The following PCDHGB2 variants were observed in gnomAD, a reference collection of about 807,000 sequenced individuals.
The protein encoded by PCDHGB2 is protocadherin gamma subfamily B, 2.
PCDHGB2 carries 55 observed loss-of-function variants against 59.3 expected under a neutral mutation model. The observed-to-expected ratio is 0.93, with a 90% CI of 0.75 to 1.16. The LOEUF (loss-of-function observed/expected upper bound fraction) is 1.16. Ranked by LOEUF, PCDHGB2 falls within the 50% of genes most tolerant of loss-of-function variation. The probability of loss-of-function intolerance (pLI) is 0.00; values close to 1 mark genes in which losing one functional copy is unlikely to be tolerated. For synonymous variants in PCDHGB2, 516 were observed against 512.0 expected (o/e 1.01, Z -0.11); for missense variants, 1,228 against 1,198.5 (o/e 1.02, Z -0.36).
At chr5:141,500,840 C>T (rs1394248251) in intron 2 of PCDHGB2, among the ~76,000 whole-genome samples, 1 of 151,966 alleles carries the variant, frequency 6.6e-6, no homozygotes, top group Non-Finnish European at 1.5e-5. Flanking sequence ...TGCTAATGGG[C>T]TTTTGCTACA....
At position 141,419,598 on chromosome 5, in the gene PCDHGB2, G is replaced by A. The variant is rs1466867194; in HGVS notation, c.2421+57042G>A. On this transcript the variant is annotated intron_variant, in intron 1 of 3. Transcript: ENST00000522605. ...TCCGCGCTCTTCGACACAGTGCCGC[G>A]GGCCGCGCAGCCAGGCTACCTGGTG... 21 of 1,611,674 alleles carry A rather than the reference G, an allele frequency of 1.3e-5. No individual in the cohort carries two copies. In the South Asian group the frequency reaches 1.3e-4, roughly 10 times the overall value.
chr5:141,374,282 G>C, intron 1 of PCDHGB2: 1 of 1,613,972 alleles, frequency 6.2e-7, no homozygotes, highest in Non-Finnish European at 8.5e-7. Context: ...AGTCCGCATC[G>C]TCTCCAGAGG....
At chr5:141,389,513 C>T (rs749432491) in intron 1 of PCDHGB2, 3 of 1,613,156 alleles carry the variant, frequency 1.9e-6, no homozygotes, top group South Asian at 1.1e-5. Context: ...TCAGCGCGAA[C>T]GTGAGCCTGC....
intron 1 of PCDHGB2, chr5:141,422,819 TGAGA>T (rs766395950): frequency 6.2e-7 from 1 of 1,614,188 alleles, no homozygotes; most frequent in African/African-American, 1.3e-5. Flanking sequence ...GACTTAGAAC[TGAGA>T]GTGATAGCAC....
rs766885846 is a variant in PCDHGB2 at position 141,393,434 on chromosome 5, TCAC to T, written c.2421+30883_2421+30885del. The stretch of plus-strand genomic sequence containing the variant: ...CCCTGGACAGGGAGGAAGAGGCTGC[TCAC>T]CACCTGGTCCTCACGGCCTCGGATG... On this transcript the variant is annotated intron_variant, in intron 1 of 3. Coordinates refer to ENST00000522605, the MANE Select transcript of PCDHGB2 (RefSeq NM_018923.3). 11 of 1,613,902 alleles carry T rather than the reference TCAC, an allele frequency of 6.8e-6. No individual in the cohort carries two copies. The African/African-American group carries it at 1.2e-4, about 18-fold the overall frequency.
At chr5:141,421,044 C>T (rs556562994) in intron 1 of PCDHGB2, 3 of 548,494 alleles carry the variant, frequency 5.5e-6, no homozygotes, top group African/African-American at 1.9e-5. Context: ...CTCCCTCCCC[C>T]GCCTCTACCA....
chr5:141,381,826 C>CTTTTTTTTTTTTTTTTTTTTTTTTT (rs770630741), intron 1 of PCDHGB2, among the ~76,000 whole-genome samples: 4 of 74,290 alleles, frequency 5.4e-5, no homozygotes, highest in African/African-American at 1.2e-4. Context: ...CTTTCTTCTT[C>CTTTTTTTTTTTTTTTTTTTTTTTTT]TTTTTTTTTT....
rs777168071 is a variant in PCDHGB2 at position 141,477,745 on chromosome 5, C to A, written c.2422-17062C>A. The A allele has an allele frequency of 5.0e-6, 8 of 1,613,682 alleles. No homozygotes were observed. The highest frequency in any genetic ancestry group is 6.8e-6 in the Non-Finnish European group (8 of 1,180,042). On this transcript the variant is annotated intron_variant, in intron 1 of 3. Transcript: ENST00000522605. The surrounding 1 kb of genome is among the most constrained non-coding windows in gnomAD (Gnocchi z 4.9). ...TAACAGCTCATATCAGCGATGGGGG[C>A]ACCCCGGTCCTAGCCACCAACATCA...
In PCDHGB2 at chr5:141,487,120, T is replaced by C. The variant is rs1342042604; in HGVS notation, c.2422-7687T>C. 1.9e-6 allele frequency: 3 copies of C among 1,613,948 alleles called. No homozygotes were observed. Among genetic ancestry groups the C allele is most frequent in the Admixed American group, 1.7e-5 (1 of 60,028 alleles). ...AGAAGCTGGTCATTGTGGTAAAGGA[T>C]AGTGGTAGTCCACCACTCTCTACCT... On this transcript the variant is annotated intron_variant, in intron 1 of 3. Coordinates refer to ENST00000522605, the MANE Select transcript of PCDHGB2 (RefSeq NM_018923.3). The surrounding 1 kb of genome is among the most constrained non-coding windows in gnomAD (Gnocchi z 5.0).
At chr5:141,419,529 A>G (rs2096395609) in intron 1 of PCDHGB2, 2 of 1,612,082 alleles carry the variant, frequency 1.2e-6, no homozygotes, top group Non-Finnish European at 1.7e-6. Context: ...GACCGTAACG[A>G]CAACGCACCG....
intron 1 of PCDHGB2, among the ~76,000 whole-genome samples, chr5:141,433,594 G>A (rs1331681563): frequency 1.3e-5 from 2 of 152,086 alleles, no homozygotes; most frequent in Admixed American, 1.3e-4. Context: ...CCAGTACTTT[G>A]GGAGGCCGAG....
At chr5:141,415,712 T>G (rs2095901969) in intron 1 of PCDHGB2, 3 of 1,326,794 alleles carry the variant, frequency 2.3e-6, no homozygotes, top group Non-Finnish European at 3.1e-6. Context: ...GCTAAAACAC[T>G]GATGAGTAGA....
chr5:141,377,025 A>T (rs1378221523), intron 1 of PCDHGB2: 1 of 154,760 alleles, frequency 6.5e-6, no homozygotes, highest in Non-Finnish European at 1.4e-5. Context: ...AAAATTCAAG[A>T]TTGTCTTTGA....
chr5:141,403,202 T>A, intron 1 of PCDHGB2: 4 of 1,613,984 alleles, frequency 2.5e-6, no homozygotes, highest in Non-Finnish European at 3.4e-6. Context: ...CAGCGGCACC[T>A]TGGTCACCGC....
intron 1 of PCDHGB2, chr5:141,410,748 C>T (rs569108587): frequency 8.8e-6 from 11 of 1,245,288 alleles, no homozygotes; most frequent in Admixed American, 5.8e-5. Flanking sequence ...AATATTTTCT[C>T]AATGTTTTTT....
At chr5:141,461,170 G>T (rs1347666737) in intron 1 of PCDHGB2, among the ~76,000 whole-genome samples, 1 of 152,052 alleles carries the variant, frequency 6.6e-6, no homozygotes. Context: ...GGGATTGCTG[G>T]ATTGAATGGT....
At position 141,491,299 on chromosome 5, in the gene PCDHGB2, C is replaced by T. The variant is rs777271881; in HGVS notation, c.2422-3508C>T. ...TGACTTCCTCATACACCCTCCTGAG[C>T]GTTCAGACCTTACCCTTTACCTCAT... On this transcript the variant is annotated intron_variant, in intron 1 of 3. Transcript: ENST00000522605. This position sits in a 1 kb window ranked among gnomAD's most constrained non-coding sequence, Gnocchi z 6.9. 3.7e-6 allele frequency: 6 copies of T among 1,614,068 alleles called. No individual in the cohort carries two copies. Among genetic ancestry groups the T allele is most frequent in the Non-Finnish European group, 5.1e-6 (6 of 1,179,896 alleles).
intron 1 of PCDHGB2, chr5:141,403,197 G>T: frequency 6.2e-7 from 1 of 1,613,986 alleles, no homozygotes; most frequent in Non-Finnish European, 8.5e-7. Flanking sequence ...CCGCGCAGCG[G>T]CACCTTGGTC....
At position 141,476,901 on chromosome 5, in the gene PCDHGB2, G is replaced by C; in HGVS notation, c.2422-17906G>C. On this transcript the variant is annotated intron_variant, in intron 1 of 3. Coordinates refer to ENST00000522605, the MANE Select transcript of PCDHGB2 (RefSeq NM_018923.3). The surrounding 1 kb of genome is among the most constrained non-coding windows in gnomAD (Gnocchi z 7.6). ...CTGGAGGATGCACCCTCCGGCACGC[G>C]CGTGGTACAAGTCCTTGCAACGGAT... The C allele has an allele frequency of 1.2e-6, 2 of 1,613,900 alleles. No homozygotes were observed. Among genetic ancestry groups the C allele is most frequent in the Non-Finnish European group, 1.7e-6 (2 of 1,180,034 alleles).
Sources: gnomAD v4.1 joint callset for allele counts (sites outside exome capture counted in the v4.1 genomes callset) on GRCh38, gnomAD v4.1.1 for gene constraint, Gnocchi (gnomAD v3.1) non-coding constraint, MANE v1.5 for transcripts, NCBI Gene and HGNC (gene_info 2026-07-23, HGNC 2026-07-21) for gene names.